SERPINB12: variants seen among roughly 807,000 people sequenced by gnomAD.
SERPINB12 encodes the protein serpin family B member 12.
SERPINB12 carries 57 observed loss-of-function variants against 41.1 expected under a neutral mutation model. The ratio of observed to expected loss-of-function variants is 1.39; its 90% CI spans 1.12 to 1.73. The LOEUF (loss-of-function observed/expected upper bound fraction) is 1.73. SERPINB12 is among the 40% of genes most tolerant of loss of function. The pLI, the probability that SERPINB12 is intolerant of heterozygous loss-of-function variation, is 0.00. For synonymous variants in SERPINB12, 180 were observed against 181.3 expected, an observed-to-expected ratio of 0.99 and a Z score of 0.06; for missense variants, 536 against 501.9, an observed-to-expected ratio of 1.07 and a Z score of -0.65.
chr18:63,540,728 T>A (rs1168570389), upstream of SERPINB12, among the ~76,000 whole-genome samples: 1 of 152,222 alleles, frequency 6.6e-6, no homozygotes, highest in Non-Finnish European at 1.5e-5. Flanking sequence ...ATAAATGTGT[T>A]AAAACCAGAT....
upstream of SERPINB12, among the ~76,000 whole-genome samples, chr18:63,540,967 T>G (rs1261164073): frequency 6.6e-6 from 1 of 152,164 alleles, no homozygotes; most frequent in Non-Finnish European, 1.5e-5. Context: ...AATTGTGGAT[T>G]TTGATGGGCT....
chr18:63,538,962 A>G (rs1267142416), upstream of SERPINB12, among the ~76,000 whole-genome samples: 3 of 152,212 alleles, frequency 2.0e-5, no homozygotes, highest in South Asian at 6.2e-4. Flanking sequence ...TCATTTAAAA[A>G]TGGTGGCTGG....
the SERPINB12 span, among the ~76,000 whole-genome samples, chr18:63,530,056 G>A: frequency 6.6e-6 from 1 of 152,020 alleles, no homozygotes; most frequent in African/African-American, 2.4e-5. Context: ...CTATTGCTGT[G>A]GTCACTGTCC....
At chr18:63,541,438 C>T (rs890119255), upstream of SERPINB12, among the ~76,000 whole-genome samples, 5 of 152,064 alleles carry the variant, frequency 3.3e-5, no homozygotes, top group African/African-American at 1.2e-4. Context: ...AGAGACAGGA[C>T]CCTCAAGAGG....
chr18:63,566,578 T>G, intron 7 of SERPINB12, 29 bp from the exon 8 acceptor site: 1 of 1,563,902 alleles, frequency 6.4e-7, no homozygotes, highest in Non-Finnish European at 8.6e-7. Flanking sequence ...CATAATCTGA[T>G]GCTAAATATT....
Position 63,565,502 on chromosome 18 carries a change from A to C in SERPINB12, c.763A>C (p.Ile255Leu). 6.2e-7 allele frequency: 1 copy of C among 1,614,118 alleles called. No homozygotes were observed. Among genetic ancestry groups the C allele is most frequent in the South Asian group, 1.1e-5 (1 of 91,072 alleles). Residue 255 changes from isoleucine (I) to leucine (L), a missense_variant, in exon 7 of 8, where the codon ATA (isoleucine) becomes CTA (leucine). Transcript: ENST00000382768. ...TQKGLYRIGF[I>L]EEVKAQILEM... ...AAAAGGCCTCTACAGAATTGGCTTC[A>C]TAGAGGAGGTGAAGGCACAGATCCT...
Position 63,563,908 on chromosome 18 carries a change from AAAAAAAT to A in SERPINB12, c.563-69_563-63del, listed in dbSNP as rs1192142934. 4,844 of 1,313,190 alleles carry A rather than the reference AAAAAAAT, an allele frequency of 3.7e-3. 18 individuals are homozygous for A. Among genetic ancestry groups the A allele is most frequent in the South Asian group, 4.5e-3 (296 of 65,256 alleles). 81.3% of individuals were successfully genotyped at this position (1,313,190 alleles called of 1,614,324 possible). A position where few individuals can be genotyped will look rare whatever the true frequency, so the allele number is the denominator to read the frequency against. ...CGAAACTCTGTCTCAAAAAAAAAAAAAAAAAATTATCTACACAAATGCTTTTGATACA... is the reference window on the plus strand; with the variant it reads ...CGAAACTCTGTCTCAAAAAAAAAAAATATCTACACAAATGCTTTTGATACA... On this transcript the variant is annotated intron_variant, in intron 5 of 7. Coordinates refer to ENST00000382768, the MANE Select transcript of SERPINB12 (RefSeq NM_001307928.2).
chr18:63,553,607 C>T (rs1450471576), intron 1 of SERPINB12, among the ~76,000 whole-genome samples: 2 of 152,094 alleles, frequency 1.3e-5, no homozygotes, highest in Non-Finnish European at 2.9e-5. Context: ...TAGTGATGGC[C>T]AAATTGCCAG....
chr18:63,525,459 A>G, the SERPINB12 span, among the ~76,000 whole-genome samples: 2 of 152,112 alleles, frequency 1.3e-5, no homozygotes, highest in African/African-American at 2.4e-5. Flanking sequence ...TCATACAACA[A>G]TTTTTAATAG....
At chr18:63,563,484 G>A (rs954648717) in intron 5 of SERPINB12, among the ~76,000 whole-genome samples, 9 of 152,172 alleles carry the variant, frequency 5.9e-5, no homozygotes, top group African/African-American at 2.2e-4. Context: ...TGGAGTTAGA[G>A]GGTTTCTCCC....
the SERPINB12 span, among the ~76,000 whole-genome samples, chr18:63,521,335 G>C: frequency 6.6e-6 from 1 of 152,224 alleles, no homozygotes. Context: ...CAGTCATCTT[G>C]ATAAGTTTTG....
the SERPINB12 span, among the ~76,000 whole-genome samples, chr18:63,530,483 A>C: frequency 6.6e-6 from 1 of 152,066 alleles, no homozygotes; most frequent in Non-Finnish European, 1.5e-5. Flanking sequence ...ACTTCCTTCT[A>C]TTGGATTCAG....
the SERPINB12 span, among the ~76,000 whole-genome samples, chr18:63,519,569 G>C: frequency 6.6e-6 from 1 of 152,064 alleles, no homozygotes; most frequent in Non-Finnish European, 1.5e-5. Context: ...TGCCCTCCTA[G>C]CTTGGTTTCC....
chr18:63,533,437 A>C, the SERPINB12 span, among the ~76,000 whole-genome samples: 147 of 152,346 alleles, frequency 9.6e-4, 1 homozygote, highest in African/African-American at 3.4e-3. Flanking sequence ...CATGTGAACA[A>C]ATATGGCACC....
chr18:63,548,625 A>G (rs1910444827), intron 1 of SERPINB12, among the ~76,000 whole-genome samples: 1 of 152,110 alleles, frequency 6.6e-6, no homozygotes, highest in African/African-American at 2.4e-5. Context: ...ATCCATAAAT[A>G]AATGATCAAG....
Position 63,568,149 on chromosome 18 carries a change from G to A in SERPINB12, c.*1138G>A, listed in dbSNP as rs993289685. ...ATCCCAGCACTTCTTGGGAGGCCGA[G>A]TCAGGTGGATCACTTGAGTCCAGGA... On this transcript the variant is annotated 3_prime_UTR_variant, in exon 8 of 8. Coordinates refer to ENST00000382768, the MANE Select transcript of SERPINB12 (RefSeq NM_001307928.2). Among the ~76,000 whole-genome samples, 1 of 152,248 alleles carries A rather than the reference G, an allele frequency of 6.6e-6. No homozygotes were observed. The highest frequency in any genetic ancestry group is 6.5e-5 in the Admixed American group (1 of 15,290).
chr18:63,562,266 G>A (rs1910936908), intron 5 of SERPINB12, among the ~76,000 whole-genome samples: 1 of 152,210 alleles, frequency 6.6e-6, no homozygotes, highest in East Asian at 1.9e-4. Flanking sequence ...TTAGTGACCT[G>A]AAGGGTCAGG....
At chr18:63,520,181 C>T in the SERPINB12 span, among the ~76,000 whole-genome samples, 1 of 152,164 alleles carries the variant, frequency 6.6e-6, no homozygotes, top group African/African-American at 2.4e-5. Flanking sequence ...GGCCTACTCC[C>T]TATAAGCAGG....
At chr18:63,528,836 T>C in the SERPINB12 span, among the ~76,000 whole-genome samples, 1 of 152,124 alleles carries the variant, frequency 6.6e-6, no homozygotes, top group South Asian at 2.1e-4. Context: ...AAAGACTTTA[T>C]AGTCTCAAGA....
Sources: allele counts gnomAD v4.1 joint callset (sites outside exome capture counted in the v4.1 genomes callset), GRCh38; gene constraint gnomAD v4.1.1; transcripts MANE v1.5; gene names NCBI Gene and HGNC (gene_info 2026-07-23, HGNC 2026-07-21).